TMEM120B: variants seen among roughly 807,000 people sequenced by gnomAD.
TMEM120B encodes the protein transmembrane protein 120B.
TMEM120B carries 31 observed loss-of-function variants against 55.5 expected under a neutral mutation model. The ratio of observed to expected loss-of-function variants is 0.56; its 90% CI spans 0.42 to 0.75. The LOEUF is 0.75. Among genes scored for constraint, TMEM120B ranks in the 30% least tolerant of loss-of-function variants. TMEM120B has a pLI of 0.00. For missense variants in TMEM120B, 399 were observed against 425.5 expected (o/e 0.94, Z 0.55); for synonymous variants, 203 against 176.3 (o/e 1.15, Z -1.20).
chr12:121,763,224 G>A (rs564071482), intron 6 of TMEM120B, among the ~76,000 whole-genome samples: 27 of 142,302 alleles, frequency 1.9e-4, no homozygotes, highest in African/African-American at 6.8e-4. Context: ...GTGCAGTGGC[G>A]CAATCTCGGC....
At chr12:121,745,808 A>G (rs1873064306) in intron 2 of TMEM120B, among the ~76,000 whole-genome samples, 1 of 151,408 alleles carries the variant, frequency 6.6e-6, no homozygotes, top group Admixed American at 6.6e-5. Context: ...CCTTAGCCTC[A>G]TGAATACTAG....
At chr12:121,754,633 C>T (rs942733948) in intron 5 of TMEM120B, among the ~76,000 whole-genome samples, 2 of 152,220 alleles carry the variant, frequency 1.3e-5, no homozygotes, top group Non-Finnish European at 2.9e-5. Flanking sequence ...GTCTCTGTCA[C>T]CACGCCACAC....
In TMEM120B at chr12:121,781,576, TG is replaced by T. The variant is rs1874459681; in HGVS notation, c.*5858del. On this transcript the variant is annotated 3_prime_UTR_variant, in exon 12 of 12. Transcript: ENST00000449592. ...TGAGAGCTTGGCCTGATTCTAGGGC[TG>T]GGGCTGGAGAAACTGCTAGAGATGA... 3 of 226,440 alleles carry T rather than the reference TG, an allele frequency of 1.3e-5. No individual in the cohort carries two copies. In the South Asian group the frequency reaches 1.8e-4, roughly 13 times the overall value. 14.0% of individuals were successfully genotyped at this position (226,440 alleles called of 1,614,324 possible). A position where few individuals can be genotyped will look rare whatever the true frequency, so the allele number is the denominator to read the frequency against.
intron 5 of TMEM120B, among the ~76,000 whole-genome samples, chr12:121,756,576 G>T (rs144152731): frequency 6.6e-6 from 1 of 152,130 alleles, no homozygotes; most frequent in Admixed American, 6.6e-5. Flanking sequence ...AGAAATGGCC[G>T]CTGGGTGCAG....
At position 121,779,393 on chromosome 12, in the gene TMEM120B, A is replaced by T. The variant is rs1874356358; in HGVS notation, c.*3671A>T. 1.6e-6 allele frequency: 2 copies of T among 1,254,268 alleles called. No homozygotes were observed. The highest frequency in any genetic ancestry group is 4.5e-5 in the Admixed American group (2 of 44,774). The allele number at this position is 1,254,268 out of a possible 1,614,324, so 77.7% of individuals were successfully genotyped here. ...TTCCAAGAGTCTAGCCGCAGGCCCC[A>T]GACACCATGAGCTGGAGGGTCGGGA... On this transcript the variant is annotated 3_prime_UTR_variant, in exon 12 of 12. Transcript: ENST00000449592.
chr12:121,743,555 CA>C (rs58947958), intron 1 of TMEM120B, 73 bp from the exon 2 acceptor site: 35,967 of 902,508 alleles, frequency 0.04, no homozygotes, highest in South Asian at 0.057. Flanking sequence ...GAGACTCTCT[CA>C]AAAAAAAAAA....
chr12:121,738,219 A>C (rs1380709390), intron 1 of TMEM120B, among the ~76,000 whole-genome samples: 1 of 152,060 alleles, frequency 6.6e-6, no homozygotes, highest in Non-Finnish European at 1.5e-5. Context: ...AGATTGCGCC[A>C]CTGGACTCCA....
intron 1 of TMEM120B, among the ~76,000 whole-genome samples, chr12:121,715,079 T>C (rs1467921712): frequency 1.3e-5 from 2 of 152,180 alleles, no homozygotes; most frequent in African/African-American, 4.8e-5. Context: ...GGCTCATGCC[T>C]GTAATTCCAG....
chr12:121,735,825 G>GAA (rs1274437257), intron 1 of TMEM120B, among the ~76,000 whole-genome samples: 1 of 151,960 alleles, frequency 6.6e-6, no homozygotes, highest in Non-Finnish European at 1.5e-5. Flanking sequence ...TGAGTAGCTG[G>GAA]GATTACAGGC....
intron 5 of TMEM120B, among the ~76,000 whole-genome samples, chr12:121,760,929 G>A (rs1233710699): frequency 2.6e-5 from 4 of 152,086 alleles, no homozygotes; most frequent in Non-Finnish European, 5.9e-5. Flanking sequence ...GGCAGAGGGA[G>A]TTTATATCTT....
Position 121,775,458 on chromosome 12 carries a change from T to C in TMEM120B, c.907-151T>C, listed in dbSNP as rs1402986805. ...CTGCCCAAGCCTGAGGCCTCACCCT[T>C]CCCCCAGGTCTCCTGAATCTCTGCC... On this transcript the variant is annotated intron_variant, in intron 11 of 11. Transcript: ENST00000449592. This position sits in a 1 kb window ranked among gnomAD's most constrained non-coding sequence, Gnocchi z 4.3. 7.6e-6 allele frequency: 11 copies of C among 1,443,154 alleles called. No individual in the cohort carries two copies. The East Asian group carries it at 2.7e-4, about 36-fold the overall frequency. The allele number at this position is 1,443,154 out of a possible 1,614,324, so 89.4% of individuals were successfully genotyped here.
In TMEM120B at chr12:121,722,870, T is replaced by C. The variant is rs2720037; in HGVS notation, c.69+9906T>C. Among the ~76,000 whole-genome samples, 632 of 142,346 alleles carry C rather than the reference T, an allele frequency of 4.4e-3. 3 individuals are homozygous for C. The highest frequency in any genetic ancestry group is 7.3e-3 in the Non-Finnish European group (478 of 65,310). The allele number at this position is 142,346 out of a possible 152,430, so 93.4% of individuals were successfully genotyped here. On this transcript the variant is annotated intron_variant, in intron 1 of 11. Coordinates refer to ENST00000449592, the MANE Select transcript of TMEM120B (RefSeq NM_001080825.2). ...TTACTTTTTTTTTTTTTTTTTGAGA[T>C]GGAGTTTCGCTCTTGTTGCCCAGGC...
intron 1 of TMEM120B, among the ~76,000 whole-genome samples, chr12:121,732,393 G>A (rs1895018346): frequency 1.3e-5 from 2 of 152,108 alleles, no homozygotes; most frequent in Non-Finnish European, 2.9e-5. Flanking sequence ...GTGACCTCCA[G>A]TGAGGGATCC....
chr12:121,767,752 G>A (rs752977688), intron 6 of TMEM120B, among the ~76,000 whole-genome samples: 19 of 152,202 alleles, frequency 1.2e-4, no homozygotes, highest in Non-Finnish European at 2.6e-4. Context: ...GCCAGGGAAG[G>A]AGCGATTTCT....
intron 1 of TMEM120B, among the ~76,000 whole-genome samples, chr12:121,727,237 C>T (rs1289421395): frequency 2.7e-5 from 4 of 150,824 alleles, no homozygotes; most frequent in Non-Finnish European, 5.9e-5. Flanking sequence ...CCTGGTTTTT[C>T]ACATCTTTAG....
intron 1 of TMEM120B, among the ~76,000 whole-genome samples, chr12:121,736,624 A>G (rs1895122122): frequency 6.6e-6 from 1 of 152,094 alleles, no homozygotes; most frequent in Non-Finnish European, 1.5e-5. Context: ...CTCTCAGCAC[A>G]CTGCAACCTC....
intron 3 of TMEM120B, among the ~76,000 whole-genome samples, chr12:121,749,072 C>A (rs1418339464): frequency 2.0e-5 from 3 of 152,206 alleles, no homozygotes; most frequent in African/African-American, 7.2e-5. Flanking sequence ...TTCACCCTGA[C>A]CCTGTTTTCC....
At chr12:121,771,942 T>G (rs1184255107) in intron 8 of TMEM120B, among the ~76,000 whole-genome samples, 1 of 152,222 alleles carries the variant, frequency 6.6e-6, no homozygotes, top group African/African-American at 2.4e-5. Context: ...GCTTGAATGC[T>G]TGGGGACAGG....
intron 6 of TMEM120B, among the ~76,000 whole-genome samples, chr12:121,765,244 C>T (rs1180866687): frequency 1.3e-5 from 2 of 151,766 alleles, no homozygotes; most frequent in African/African-American, 4.8e-5. Flanking sequence ...ATTCTCCTGC[C>T]TCAGCCTCCC....
Sources: gnomAD v4.1 joint callset for allele counts (sites outside exome capture counted in the v4.1 genomes callset) on GRCh38, gnomAD v4.1.1 for gene constraint, Gnocchi (gnomAD v3.1) non-coding constraint, MANE v1.5 for transcripts, NCBI Gene and HGNC (gene_info 2026-07-23, HGNC 2026-07-21) for gene names.